GSPT1: variants seen among roughly 807,000 people sequenced by gnomAD.
GSPT1 encodes the protein G1 to S phase transition 1, also known as eukaryotic peptide chain release factor GTP-binding subunit ERF3A.
Under a neutral mutation model 72.5 loss-of-function variants are expected in GSPT1, and 20 were observed. The ratio of observed to expected loss-of-function variants is 0.28; its 90% CI spans 0.19 to 0.40. GSPT1 has a LOEUF of 0.40. Among genes scored for constraint, GSPT1 ranks in the 10% least tolerant of loss-of-function variants. The probability of loss-of-function intolerance (pLI) is 1.00; values close to 1 mark genes in which losing one functional copy is unlikely to be tolerated. For missense variants in GSPT1, 580 were observed against 811.9 expected (o/e 0.71, Z 3.47); for synonymous variants, 334 against 293.5 (o/e 1.14, Z -1.41).
intron 1 of GSPT1, among the ~76,000 whole-genome samples, chr16:11,899,234 C>G (rs1007560600): frequency 6.6e-6 from 1 of 152,110 alleles, no homozygotes; most frequent in Non-Finnish European, 1.5e-5. Flanking sequence ...CTGTAAGAGT[C>G]AAGAGAAAGT....
chr16:11,887,477 C>T (rs1444525718), intron 7 of GSPT1, 93 bp downstream of exon 7: 3 of 1,018,304 alleles, frequency 2.9e-6, no homozygotes, highest in Non-Finnish European at 4.5e-6. Context: ...TCACTGCAAC[C>T]TGAATTTGAG....
chr16:11,872,806 A>T lies in GSPT1; in HGVS notation c.*313T>A, dbSNP rs531028497. On this transcript the variant is annotated 3_prime_UTR_variant, in exon 15 of 15. Transcript: ENST00000434724. The stretch of plus-strand genomic sequence containing the variant: ...GCCTAAGGGGAAAATGAAAAATAAA[A>T]AAATTCCTGTAGGTTTTCATTATTG... 4 of 261,162 alleles carry T rather than the reference A, an allele frequency of 1.5e-5. No homozygotes were observed. Among genetic ancestry groups the T allele is most frequent in the East Asian group, 7.1e-5 (1 of 14,156 alleles). The allele number at this position is 261,162 out of a possible 1,614,324, so 16.2% of individuals were successfully genotyped here. A position where few individuals can be genotyped will look rare whatever the true frequency, so the allele number is the denominator to read the frequency against.
intron 1 of GSPT1, among the ~76,000 whole-genome samples, chr16:11,910,110 G>A (rs193271230): frequency 2.0e-4 from 31 of 152,136 alleles, no homozygotes; most frequent in Middle Eastern, 3.4e-3. Context: ...AAAATAATAA[G>A]TAAAAAGTTT....
intron 1 of GSPT1, among the ~76,000 whole-genome samples, chr16:11,906,621 G>A (rs1332119496): frequency 6.6e-6 from 1 of 152,150 alleles, no homozygotes; most frequent in African/African-American, 2.4e-5. Flanking sequence ...GCAACAATGT[G>A]AGACCCTGTC....
intron 9 of GSPT1, among the ~76,000 whole-genome samples, 163 bp from the exon 10 acceptor site, chr16:11,885,437 C>G (rs2054175806): frequency 6.6e-6 from 1 of 152,128 alleles, no homozygotes; most frequent in African/African-American, 2.4e-5. Context: ...CCACAGAAAA[C>G]TATTATAAAA....
At chr16:11,889,656 G>A (rs563766745) in intron 6 of GSPT1, among the ~76,000 whole-genome samples, 27 of 151,126 alleles carry the variant, frequency 1.8e-4, no homozygotes, top group Middle Eastern at 6.9e-3. Context: ...TAGAGCATGC[G>A]CCACCATGCC....
At chr16:11,883,730 T>C (rs1484181392) in intron 10 of GSPT1, among the ~76,000 whole-genome samples, 1 of 151,530 alleles carries the variant, frequency 6.6e-6, no homozygotes, top group Non-Finnish European at 1.5e-5. Context: ...CTGGCCAACA[T>C]GGTGAAACCC....
At chr16:11,911,001 C>T (rs1039388062) in intron 1 of GSPT1, among the ~76,000 whole-genome samples, 1 of 152,240 alleles carries the variant, frequency 6.6e-6, no homozygotes, top group East Asian at 1.9e-4. Context: ...GGAGAAGTAA[C>T]GAAAGGCAGT....
At position 11,877,531 on chromosome 16, in the gene GSPT1, G is replaced by T. The variant is rs1215883460; in HGVS notation, c.1478C>A (p.Thr493Asn). 1 of 1,610,776 alleles carries T rather than the reference G, an allele frequency of 6.2e-7. No homozygotes were observed. Among genetic ancestry groups the T allele is most frequent in the Non-Finnish European group, 8.5e-7 (1 of 1,177,646 alleles). Reference sequence around the variant, plus strand: ...TTTGAGGTTTTCACCTGGGGCTACGGTATCAGTCTCTACATCATCGGAAAG... The same window carrying T: ...TTTGAGGTTTTCACCTGGGGCTACGTTATCAGTCTCTACATCATCGGAAAG... ...GILSDDVETD[T>N]VAPGENLKIR... The change falls in exon 12 of 15, where the codon ACC becomes AAC. Residue 493 changes from threonine (T) to asparagine (N), a missense_variant. Transcript: ENST00000434724. This position sits in a 1 kb window ranked among gnomAD's most constrained non-coding sequence, Gnocchi z 4.0.
At chr16:11,879,261 G>A (rs1185556249) in intron 11 of GSPT1, among the ~76,000 whole-genome samples, 8 of 151,716 alleles carry the variant, frequency 5.3e-5, no homozygotes, top group Middle Eastern at 3.4e-3. Context: ...CAGGCGTGGT[G>A]GCAGGCACCT....
rs1420413563 is a variant in GSPT1, at chr16:11,900,296, G to A, written c.353-2261C>T. ...TGCAGTGAGCCAAGATCACGTCACT[G>A]CACTCCAGCTTGGACAAGAATGAAA... is the stretch of plus-strand genomic sequence containing the variant. On this transcript the variant is annotated intron_variant, in intron 1 of 14. Coordinates refer to ENST00000434724, the MANE Select transcript of GSPT1 (RefSeq NM_002094.4). Among the ~76,000 whole-genome samples, 3 of 148,358 alleles carry A rather than the reference G, an allele frequency of 2.0e-5. No individual in the cohort carries two copies. In the East Asian group the frequency reaches 5.9e-4, roughly 29 times the overall value.
rs542850509 is a variant in GSPT1, at chr16:11,895,849, A to T, written c.664+709T>A. Among the ~76,000 whole-genome samples the T allele has an allele frequency of 2.0e-4, 31 of 151,800 alleles. No homozygotes were observed. In the East Asian group the frequency reaches 5.2e-3, roughly 26 times the overall value. On this transcript the variant is annotated intron_variant, in intron 4 of 14. Coordinates refer to ENST00000434724, the MANE Select transcript of GSPT1 (RefSeq NM_002094.4). ...ACCATGTTGGCCAGGCTGGTCTTGAACTCCTGACCTCGTGATGTGCCCGCC... is the reference window on the plus strand; with the variant it reads ...ACCATGTTGGCCAGGCTGGTCTTGATCTCCTGACCTCGTGATGTGCCCGCC...
intron 1 of GSPT1, among the ~76,000 whole-genome samples, chr16:11,898,565 C>T (rs1007195048): frequency 1.3e-5 from 2 of 151,756 alleles, no homozygotes; most frequent in Admixed American, 6.6e-5. Flanking sequence ...GATTCTCCTG[C>T]CTCAGCCTCC....
chr16:11,902,828 C>T (rs2054431880), intron 1 of GSPT1, among the ~76,000 whole-genome samples: 2 of 151,944 alleles, frequency 1.3e-5, no homozygotes, highest in African/African-American at 4.8e-5. Context: ...CTCATGTGAT[C>T]TGCCTGCCTC....
At chr16:11,875,395 T>G (rs2054035784) in intron 14 of GSPT1, among the ~76,000 whole-genome samples, 1 of 152,014 alleles carries the variant, frequency 6.6e-6, no homozygotes, top group Admixed American at 6.6e-5. Context: ...TCACAAAGAT[T>G]AGACCTCTGA....
chr16:11,902,502 A>G (rs563914446), intron 1 of GSPT1, among the ~76,000 whole-genome samples: 13 of 152,220 alleles, frequency 8.5e-5, no homozygotes, highest in African/African-American at 2.9e-4. Context: ...CATTACCACA[A>G]ATTTTAAAAC....
chr16:11,888,150 G>A lies in GSPT1; in HGVS notation c.777-400C>T, dbSNP rs765556155. On this transcript the variant is annotated intron_variant, in intron 6 of 14. Transcript: ENST00000434724. ...AGCCTGGGCGACAGAGCAAGGCTCC[G>A]TCTCAAAAGAAAACAAAGAAATTGA... Among the ~76,000 whole-genome samples the A allele has an allele frequency of 5.3e-5, 8 of 151,774 alleles. No homozygotes were observed. In the East Asian group the frequency reaches 7.7e-4, roughly 15 times the overall value.
chr16:11,899,024 C>T (rs963712202), intron 1 of GSPT1, among the ~76,000 whole-genome samples: 5 of 152,254 alleles, frequency 3.3e-5, no homozygotes, highest in Admixed American at 2.0e-4. Context: ...AACCAAATAT[C>T]TAAGTCTGCT....
chr16:11,910,560 A>T (rs2054544808), intron 1 of GSPT1, among the ~76,000 whole-genome samples: 1 of 152,230 alleles, frequency 6.6e-6, no homozygotes, highest in Admixed American at 6.5e-5. Context: ...CTGCTAACTC[A>T]ACCCAGAAGG....
Sources: gnomAD v4.1 joint callset for allele counts (sites outside exome capture counted in the v4.1 genomes callset) on GRCh38, gnomAD v4.1.1 for gene constraint, Gnocchi (gnomAD v3.1) non-coding constraint, MANE v1.5 for transcripts, NCBI Gene and HGNC (gene_info 2026-07-23, HGNC 2026-07-21) for gene names.